TGFB1: variants seen among roughly 807,000 people sequenced by gnomAD.
TGFB1 encodes the protein transforming growth factor beta-1 proprotein.
Under a neutral mutation model 43.8 loss-of-function variants are expected in TGFB1, and 19 were observed. The ratio of observed to expected loss-of-function variants is 0.43; its 90% CI spans 0.30 to 0.64. The LOEUF (loss-of-function observed/expected upper bound fraction) is 0.64. Among genes scored for constraint, TGFB1 ranks in the 30% least tolerant of loss-of-function variants. The pLI is 0.11. For synonymous variants in TGFB1, 221 were observed against 236.3 expected, an observed-to-expected ratio of 0.94 and a Z score of 0.60; for missense variants, 445 against 529.8, an observed-to-expected ratio of 0.84 and a Z score of 1.57.
intron 5 of TGFB1, among the ~76,000 whole-genome samples, chr19:41,333,534 T>C (rs546829211): frequency 6.6e-6 from 1 of 152,230 alleles, no homozygotes; most frequent in Admixed American, 6.5e-5. Context: ...TTTAATTTGT[T>C]ATTCTTTTTA....
chr19:41,344,604 T>C (rs2038094689), intron 3 of TGFB1, 143 bp downstream of exon 3: 2 of 752,834 alleles, frequency 2.7e-6, no homozygotes, highest in Admixed American at 2.0e-5. Context: ...TCACTCAGGT[T>C]TCCATGCCAC....
intron 5 of TGFB1, among the ~76,000 whole-genome samples, chr19:41,338,533 A>T (rs2038016022): frequency 6.6e-6 from 1 of 151,130 alleles, no homozygotes; most frequent in South Asian, 2.1e-4. Flanking sequence ...ATAATACATA[A>T]AACATGCAAA....
At chr19:41,332,038 A>C (rs2037937616) in intron 6 of TGFB1, 90 bp downstream of exon 6, 21 of 1,480,756 alleles carry the variant, frequency 1.4e-5, no homozygotes, top group Admixed American at 5.9e-5. Context: ...CTGCCAACTC[A>C]CCTCTCTGAC....
At position 41,330,835 on chromosome 19, in the gene TGFB1, GGAGA is replaced by G; in HGVS notation, c.*213_*216del. ...CAGACAGGCAGGAGGAGGCAGAGAG[GGAGA>G]GAGAGGGAGTGGGAGTGGGGGAACG... On this transcript the variant is annotated 3_prime_UTR_variant, in exon 7 of 7. Transcript: ENST00000221930. The G allele has an allele frequency of 1.9e-6, 1 of 519,546 alleles. No homozygotes were observed. Among genetic ancestry groups the G allele is most frequent in the South Asian group, 2.4e-5 (1 of 42,310 alleles). The allele number at this position is 519,546 out of a possible 1,614,324, so 32.2% of individuals were successfully genotyped here.
chr19:41,350,411 T>C (rs2038173390), intron 1 of TGFB1, among the ~76,000 whole-genome samples: 1 of 150,944 alleles, frequency 6.6e-6, no homozygotes, highest in Non-Finnish European at 1.5e-5. Context: ...TTCAAGCGAT[T>C]CTCCTGCCTC....
intron 5 of TGFB1, among the ~76,000 whole-genome samples, chr19:41,341,466 C>CAAAAAAAAAAAAA (rs770264069): frequency 1.1e-4 from 4 of 35,584 alleles, no homozygotes; most frequent in Non-Finnish European, 1.4e-4. Flanking sequence ...GACTCTGTCT[C>CAAAAAAAAAAAAA]AAAAAAAAAA....
chr19:41,332,249 A>T lies in TGFB1; in HGVS notation c.893T>A (p.Leu298Gln). The change falls in exon 6 of 7, where the codon CTG becomes CAG. Residue 298 changes from leucine to glutamine, a missense_variant. Physicochemically the swap from Leu to Gln is moderately radical, Grantham distance 113 (BLOSUM62 -2). Transcript: ENST00000221930. ...STEKNCCVRQ[L>Q]YIDFRKDLGW... Reference sequence around the variant, plus strand: ...GAGGTCCTTGCGGAAGTCAATGTACAGCTGCCGCACGCAGCAGTTCTTCTC... The same window carrying T: ...GAGGTCCTTGCGGAAGTCAATGTACTGCTGCCGCACGCAGCAGTTCTTCTC... 6.2e-7 allele frequency: 1 copy of T among 1,614,170 alleles called. No individual in the cohort carries two copies. Among genetic ancestry groups the T allele is most frequent in the Non-Finnish European group, 8.5e-7 (1 of 1,180,008 alleles).
At chr19:41,338,442 G>A (rs2038014623) in intron 5 of TGFB1, among the ~76,000 whole-genome samples, 1 of 151,236 alleles carries the variant, frequency 6.6e-6, no homozygotes, top group Admixed American at 6.6e-5. Context: ...GTTGCCGTGA[G>A]CTGAGATTGT....
chr19:41,349,344 G>A (rs1300601891), intron 1 of TGFB1, among the ~76,000 whole-genome samples: 1 of 152,222 alleles, frequency 6.6e-6, no homozygotes, highest in Non-Finnish European at 1.5e-5. Flanking sequence ...TGAGCCAGGT[G>A]TAAGACAAGA....
At chr19:41,344,718 C>G (rs199637461) in intron 3 of TGFB1, 29 bp downstream of exon 3, 1 of 1,602,276 alleles carries the variant, frequency 6.2e-7, no homozygotes. Context: ...CAGGGAGAAA[C>G]AGGGGTGGGA....
intron 3 of TGFB1, among the ~76,000 whole-genome samples, chr19:41,343,097 G>T (rs898250108): frequency 2.0e-5 from 3 of 151,208 alleles, no homozygotes; most frequent in Non-Finnish European, 4.4e-5. Flanking sequence ...ACTCCTCCCA[G>T]TGCCCACCTG....
At position 41,353,252 on chromosome 19, in the gene TGFB1, G is replaced by A. The variant is rs1242135269; in HGVS notation, c.-208C>T. ...GTATCCCACGGAAATAACCTAGATG[G>A]GCGCGATCTGGTACCAGAAGGTGGG... is the stretch of plus-strand genomic sequence containing the variant. On this transcript the variant is annotated 5_prime_UTR_variant, in exon 1 of 7. Transcript: ENST00000221930. The surrounding 1 kb of genome is among the most constrained non-coding windows in gnomAD (Gnocchi z 5.9). 2 of 571,878 alleles carry A rather than the reference G, an allele frequency of 3.5e-6. No homozygotes were observed. Among genetic ancestry groups the A allele is most frequent in the Non-Finnish European group, 5.9e-6 (2 of 337,982 alleles). The allele number at this position is 571,878 out of a possible 1,614,324, so 35.4% of individuals were successfully genotyped here. A position where few individuals can be genotyped will look rare whatever the true frequency, so the allele number is the denominator to read the frequency against.
In TGFB1 at chr19:41,353,007, A is replaced by G. The variant is rs1301271356; in HGVS notation, c.38T>C (p.Leu13Pro). Reference protein sequence around the residue: ...PSGLRLLPLLLPLLWLLVLTP... With the variant: ...PSGLRLLPLLPPLLWLLVLTP... ...CAGCACCAGTAGCCACAGCAGCGGT[A>G]GCAGCAGCGGCAGCAGCCGCAGCCC... The change falls in exon 1 of 7, where the codon CTA (leucine) becomes CCA (proline). Residue 13 changes from leucine (L) to proline (P), a missense_variant. This residue lies in a region of TGFB1 where 366 missense variants were observed against 428.8 expected (regional missense o/e 0.85). Transcript: ENST00000221930. The surrounding 1 kb of genome is among the most constrained non-coding windows in gnomAD (Gnocchi z 5.9). 4 of 1,533,918 alleles carry G rather than the reference A, an allele frequency of 2.6e-6. No individual in the cohort carries two copies. The highest frequency in any genetic ancestry group is 3.5e-6 in the Non-Finnish European group (4 of 1,144,288).
chr19:41,339,376 C>G (rs1290485627), intron 5 of TGFB1, among the ~76,000 whole-genome samples: 1 of 152,068 alleles, frequency 6.6e-6, no homozygotes, highest in Non-Finnish European at 1.5e-5. Flanking sequence ...GCCTTGGCCT[C>G]CCAAAGTGCT....
chr19:41,346,436 C>G (rs2038117005), intron 2 of TGFB1, among the ~76,000 whole-genome samples: 1 of 152,166 alleles, frequency 6.6e-6, no homozygotes, highest in South Asian at 2.1e-4. Context: ...CCCCAGACTC[C>G]AAGAAGCCAA....
intron 3 of TGFB1, 110 bp from the exon 4 acceptor site, chr19:41,342,357 C>T: frequency 1.0e-6 from 1 of 1,002,106 alleles, no homozygotes; most frequent in Non-Finnish European, 1.5e-6. Flanking sequence ...CCTCCCCCAC[C>T]CACCCCACTC....
At chr19:41,337,622 C>G (rs1175798335) in intron 5 of TGFB1, among the ~76,000 whole-genome samples, 1 of 152,084 alleles carries the variant, frequency 6.6e-6, no homozygotes, top group Non-Finnish European at 1.5e-5. Context: ...CTCTCTCTCT[C>G]TCTGTATATA....
intron 5 of TGFB1, among the ~76,000 whole-genome samples, chr19:41,335,390 G>T (rs1351253006): frequency 1.3e-5 from 2 of 152,038 alleles, no homozygotes; most frequent in African/African-American, 4.8e-5. Flanking sequence ...ACCCTAGCTG[G>T]GGTTCTGAGA....
In TGFB1 at chr19:41,339,628, G is replaced by T. The variant is rs140782046; in HGVS notation, c.860+2255C>A. Among the ~76,000 whole-genome samples the T allele has an allele frequency of 6.0e-3, 906 of 152,162 alleles. 14 individuals are homozygous for T. Among genetic ancestry groups the T allele is most frequent in the African/African-American group, 0.021 (865 of 41,550 alleles). On this transcript the variant is annotated intron_variant, in intron 5 of 6. Coordinates refer to ENST00000221930, the MANE Select transcript of TGFB1 (RefSeq NM_000660.7). ...TCACGAGGTCAGGAGTTCGAGACCA[G>T]CCTGACCAACATGGTGAAACCCAGT...
Sources: allele counts gnomAD v4.1 joint callset (sites outside exome capture counted in the v4.1 genomes callset), GRCh38; gene constraint gnomAD v4.1.1; regional missense constraint gnomAD v4.1.1; non-coding constraint Gnocchi (gnomAD v3.1); transcripts MANE v1.5; gene names NCBI Gene and HGNC (gene_info 2026-07-23, HGNC 2026-07-21).